TTLL9: variants seen among roughly 807,000 people sequenced by gnomAD.
TTLL9 encodes tubulin tyrosine ligase like 9, also known as probable tubulin polyglutamylase TTLL9.
TTLL9 carries 47 observed loss-of-function variants against 65.6 expected under a neutral mutation model. That is an observed-to-expected ratio of 0.72 (90% CI 0.57 to 0.91). The LOEUF is 0.91. Ranked by LOEUF, TTLL9 falls within the 40% of genes least tolerant of loss-of-function variation. The pLI, the probability that TTLL9 is intolerant of heterozygous loss-of-function variation, is 0.00. For synonymous variants in TTLL9, 179 were observed against 204.8 expected (o/e 0.87, Z 1.07); for missense variants, 537 against 568.8 (o/e 0.94, Z 0.57).
intron 2 of TTLL9, among the ~76,000 whole-genome samples, chr20:31,881,998 T>C (rs1476571681): frequency 6.6e-6 from 1 of 152,228 alleles, no homozygotes; most frequent in Non-Finnish European, 1.5e-5. Context: ...AAAGGTCTCC[T>C]GTATATTGAC....
At chr20:31,935,664 C>T (rs1157308600) in intron 12 of TTLL9, among the ~76,000 whole-genome samples, 1 of 152,250 alleles carries the variant, frequency 6.6e-6, no homozygotes, top group Non-Finnish European at 1.5e-5. Flanking sequence ...CAGGATGTGA[C>T]TGCTGGCATT....
At chr20:31,904,014 A>G (rs1225481103) in intron 4 of TTLL9, among the ~76,000 whole-genome samples, 2 of 152,146 alleles carry the variant, frequency 1.3e-5, no homozygotes, top group Admixed American at 6.5e-5. Flanking sequence ...TGCCCTTGAC[A>G]CTTTTGAAGA....
chr20:31,877,394 A>T (rs943592920), intron 2 of TTLL9, among the ~76,000 whole-genome samples: 23 of 152,140 alleles, frequency 1.5e-4, no homozygotes, highest in African/African-American at 5.5e-4. Flanking sequence ...TGGCCTCCCG[A>T]AGTGCTGAGA....
chr20:31,915,750 G>T (rs1186654289), intron 6 of TTLL9, among the ~76,000 whole-genome samples: 2 of 152,100 alleles, frequency 1.3e-5, no homozygotes, highest in African/African-American at 2.4e-5. Context: ...ATGTCAAAGG[G>T]TGTGTGTTTT....
intron 7 of TTLL9, among the ~76,000 whole-genome samples, chr20:31,921,023 C>A (rs1234248303): frequency 1.3e-5 from 2 of 152,128 alleles, no homozygotes; most frequent in African/African-American, 4.8e-5. Flanking sequence ...TCCTCGGGGG[C>A]CCATGGGTGG....
chr20:31,899,736 C>G (rs1270429399), intron 4 of TTLL9, among the ~76,000 whole-genome samples: 1 of 151,674 alleles, frequency 6.6e-6, no homozygotes, highest in East Asian at 1.9e-4. Flanking sequence ...AACCATGTGG[C>G]CAAACCCAGC....
Position 31,934,778 on chromosome 20 carries a change from C to T in TTLL9, c.894C>T (p.Ile298=), listed in dbSNP as rs767220808. The change falls in exon 12 of 15, where the codon ATC becomes ATT. Residue 298 remains isoleucine, a synonymous_variant. Transcript: ENST00000535842. ...CAGTGGAGACACTCTTCAGGGACAT[C>T]GACAACATCTTTGTCAAAAGCCTGC... ...PEAVETLFRD[I]DNIFVKSLQS... is the part of the protein sequence containing the mutation. 1.4e-5 allele frequency: 23 copies of T among 1,613,542 alleles called. No homozygotes were observed. The highest frequency in any genetic ancestry group is 1.2e-4 in the Admixed American group (7 of 60,000).
At position 31,925,004 on chromosome 20, in the gene TTLL9, G is replaced by T. The variant is rs1377518949; in HGVS notation, c.665-5G>T. 6.2e-7 allele frequency: 1 copy of T among 1,614,106 alleles called. No individual in the cohort carries two copies. The highest frequency in any genetic ancestry group is 1.7e-5 in the Admixed American group (1 of 60,014). The stretch of plus-strand genomic sequence containing the variant: ...GCACAAATTAATTTTTTCCTTGCCT[G>T]ACAGGCCGCAAGTTTGACCTGCGTG... On this transcript the variant is annotated splice_polypyrimidine_tract_variant and splice_region_variant and intron_variant, in intron 8 of 14. Transcript: ENST00000535842.
chr20:31,924,194 C>T (rs951793937), intron 8 of TTLL9, among the ~76,000 whole-genome samples: 1 of 152,100 alleles, frequency 6.6e-6, no homozygotes, highest in Admixed American at 6.5e-5. Context: ...TAGACAACCA[C>T]GCCCGCCCCC....
At chr20:31,919,391 G>A (rs545334384) in intron 6 of TTLL9, among the ~76,000 whole-genome samples, 13 of 152,122 alleles carry the variant, frequency 8.5e-5, no homozygotes, top group Non-Finnish European at 1.8e-4. Flanking sequence ...TAGAAGGGGA[G>A]TAATGCCTTT....
intron 8 of TTLL9, among the ~76,000 whole-genome samples, chr20:31,924,742 C>G (rs921486967): frequency 6.6e-6 from 1 of 152,046 alleles, no homozygotes; most frequent in South Asian, 2.1e-4. Flanking sequence ...CACCACCATG[C>G]GAGGCTAATT....
intron 10 of TTLL9, among the ~76,000 whole-genome samples, chr20:31,932,961 A>G (rs2064045405): frequency 6.6e-6 from 1 of 152,270 alleles, no homozygotes; most frequent in East Asian, 1.9e-4. Context: ...GCGCCACTGC[A>G]CTCCAGTCTG....
intron 13 of TTLL9, 51 bp from the exon 14 acceptor site, chr20:31,939,091 G>A (rs771623329): frequency 6.6e-6 from 10 of 1,513,158 alleles, no homozygotes; most frequent in South Asian, 1.3e-5. Flanking sequence ...TGGGTCTTAG[G>A]GCTCTGCCAG....
At chr20:31,890,107 T>TTCCC (rs1397500981) in intron 3 of TTLL9, among the ~76,000 whole-genome samples, 4 of 49,068 alleles carry the variant, frequency 8.2e-5, no homozygotes, top group Non-Finnish European at 1.2e-4. Context: ...CCTCCCTTCC[T>TTCCC]TCCTTCCTTC....
chr20:31,890,976 T>A (rs2063300785), intron 3 of TTLL9, among the ~76,000 whole-genome samples: 1 of 152,204 alleles, frequency 6.6e-6, no homozygotes, highest in African/African-American at 2.4e-5. Context: ...CACCAACAGT[T>A]GTGCCACAGG....
chr20:31,873,031 C>G (rs1424419536), intron 2 of TTLL9: 1 of 517,982 alleles, frequency 1.9e-6, no homozygotes, highest in African/African-American at 1.9e-5. Flanking sequence ...GGGGCCACTG[C>G]AGCAGCTCAG....
intron 3 of TTLL9, among the ~76,000 whole-genome samples, chr20:31,893,691 T>C (rs1010978235): frequency 7.9e-5 from 12 of 151,596 alleles, no homozygotes; most frequent in African/African-American, 2.7e-4. Flanking sequence ...TTTAAGACTG[T>C]TCTGTTTTTC....
chr20:31,911,634 C>T (rs777791334), intron 6 of TTLL9, among the ~76,000 whole-genome samples: 37 of 152,208 alleles, frequency 2.4e-4, no homozygotes, highest in Admixed American at 1.3e-4. Flanking sequence ...CTGATGAGCA[C>T]GGAGTGCTGT....
intron 2 of TTLL9, chr20:31,884,136 T>C: frequency 6.6e-6 from 3 of 451,200 alleles, no homozygotes; most frequent in Admixed American, 8.2e-5. Flanking sequence ...CTTCTATATA[T>C]GTATCAGTTT....
Sources: gnomAD v4.1 joint callset for allele counts (sites outside exome capture counted in the v4.1 genomes callset) on GRCh38, gnomAD v4.1.1 for gene constraint, MANE v1.5 for transcripts, NCBI Gene and HGNC (gene_info 2026-07-23, HGNC 2026-07-21) for gene names.